Variants in SPEG observed in about 807,000 individuals in gnomAD.
SPEG encodes striated muscle preferentially expressed protein kinase.
Under a neutral mutation model 300.4 loss-of-function variants are expected in SPEG, and 114 were observed. That is an observed-to-expected ratio of 0.38 (90% confidence interval 0.33 to 0.44). The LOEUF (loss-of-function observed/expected upper bound fraction) is 0.44. Among genes scored for constraint, SPEG ranks in the 20% least tolerant of loss-of-function variants. The pLI is 1.00. For synonymous variants in SPEG, 1,964 were observed against 2,018.9 expected (o/e 0.97, Z 0.73); for missense variants, 4,201 against 4,586.2 (o/e 0.92, Z 2.43).
In SPEG at chr2:219,482,839, G is replaced by A. The variant is rs1454303832; in HGVS notation, c.5621G>A (p.Arg1874Gln). 11 of 1,613,824 alleles carry A rather than the reference G, an allele frequency of 6.8e-6. No individual in the cohort carries two copies. The highest frequency in any genetic ancestry group is 9.3e-6 in the Non-Finnish European group (11 of 1,179,922). The change falls in exon 29 of 41, where the codon CGG (arginine) becomes CAG (glutamine). Residue 1874 changes from arginine to glutamine, a missense_variant. By Grantham distance (43) the Arg-to-Gln change is conservative (BLOSUM62 1). This residue lies in a region of SPEG where 1,578 missense variants were observed against 1,506.0 expected (regional missense o/e 1.05). Coordinates refer to ENST00000312358, the MANE Select transcript of SPEG (RefSeq NM_005876.5). ...STDHLKLFLS[R>Q]RRWQRSQISY... ...GATCACCTGAAGCTATTCCTCTCCC[G>A]GCGGAGGTGGCAGGTAAGTGTGGCA...
chr2:219,490,037 TG>T, intron 36 of SPEG, 98 bp downstream of exon 36: 4 of 1,386,876 alleles, frequency 2.9e-6, no homozygotes, highest in Non-Finnish European at 3.9e-6. Flanking sequence ...CTGGCTGGGG[TG>T]GGGGGAGGTG....
At position 219,467,298 on chromosome 2, in the gene SPEG, G is replaced by A; in HGVS notation, c.3006G>A (p.Leu1002=). 1 of 1,610,608 alleles carries A rather than the reference G, an allele frequency of 6.2e-7. No homozygotes were observed. Among genetic ancestry groups the A allele is most frequent in the Non-Finnish European group, 8.5e-7 (1 of 1,179,820 alleles). ...CCACTGACGTGGAGGTGGATTGGCT[G>A]TGCCGTGGCCGCCTGCTGCAGCCTG... ...AGPTDVEVDW[L]CRGRLLQPAL... is the part of the protein sequence containing the mutation. The change falls in exon 10 of 41, where the codon CTG becomes CTA. Residue 1002 remains leucine, a synonymous_variant. Coordinates refer to ENST00000312358, the MANE Select transcript of SPEG (RefSeq NM_005876.5).
chr2:219,475,073 C>T (rs945528618), intron 18 of SPEG, among the ~76,000 whole-genome samples: 5 of 152,276 alleles, frequency 3.3e-5, no homozygotes, highest in Non-Finnish European at 7.3e-5. Flanking sequence ...ATGTGAGCCA[C>T]CGCCTCGGGC....
chr2:219,460,767 A>G, intron 6 of SPEG: 2 of 985,066 alleles, frequency 2.0e-6, no homozygotes, highest in Non-Finnish European at 2.4e-6. Context: ...CCTGCCATCC[A>G]ACCTCCTCCT....
At chr2:219,456,220 GA>G (rs1488386471) in intron 6 of SPEG, among the ~76,000 whole-genome samples, 2 of 152,326 alleles carry the variant, frequency 1.3e-5, no homozygotes, top group South Asian at 4.2e-4. Flanking sequence ...TGGGGGCCAT[GA>G]AAACAAAAAC....
chr2:219,456,260 G>A (rs1338385278), intron 6 of SPEG, among the ~76,000 whole-genome samples: 2 of 152,268 alleles, frequency 1.3e-5, no homozygotes, highest in African/African-American at 4.8e-5. Context: ...ATCCATGTCA[G>A]TCCCTGTCTT....
At position 219,477,427 on chromosome 2, in the gene SPEG, G is replaced by T; in HGVS notation, c.4711G>T (p.Glu1571Ter). 1 of 1,592,728 alleles carries T rather than the reference G, an allele frequency of 6.3e-7. No homozygotes were observed. The highest frequency in any genetic ancestry group is 1.1e-5 in the South Asian group (1 of 88,158). The change falls in exon 20 of 41, where the codon GAG becomes TAG. Residue 1571 changes from glutamate to a stop codon, truncating the protein, a stop_gained. Transcript: ENST00000312358. LOFTEE classifies it high-confidence loss of function. This position sits in a 1 kb window ranked among gnomAD's most constrained non-coding sequence, Gnocchi z 6.4. Reference sequence around the variant, plus strand: ...GGCGGGTGAGGTCTCCTGCAAAGCAGAGTTGGCTGTGCATTCAGGTAGGCA... The same window carrying T: ...GGCGGGTGAGGTCTCCTGCAAAGCATAGTTGGCTGTGCATTCAGGTAGGCA... ...NLAGEVSCKA[E>*]LAVHSAQTAM...
At position 219,443,264 on chromosome 2, in the gene SPEG, C is replaced by T. The variant is rs745492422; in HGVS notation, c.389-1389C>T. Reference sequence around the variant, plus strand: ...ACAGCCCATGAGATGTGGAACCCTCCCACTCACCCCCACACTTATCTACCA... The same window carrying T: ...ACAGCCCATGAGATGTGGAACCCTCTCACTCACCCCCACACTTATCTACCA... On this transcript the variant is annotated intron_variant, in intron 1 of 40. Coordinates refer to ENST00000312358, the MANE Select transcript of SPEG (RefSeq NM_005876.5). The surrounding 1 kb of genome is among the most constrained non-coding windows in gnomAD (Gnocchi z 4.6). 3 of 1,020,798 alleles carry T rather than the reference C, an allele frequency of 2.9e-6. No individual in the cohort carries two copies. Among genetic ancestry groups the T allele is most frequent in the Non-Finnish European group, 4.7e-6 (3 of 640,430 alleles). 63.2% of individuals were successfully genotyped at this position (1,020,798 alleles called of 1,614,324 possible).
At position 219,492,248 on chromosome 2, in the gene SPEG, C is replaced by T; in HGVS notation, c.9599C>T (p.Ser3200Phe). ...ACCCTCTTCTTGCGAAAGGTTCTCT[C>T]TGTACATCCCTGGTGAGTGAGCCCC... ...SATLFLRKVLSVHPWSRPSLQ... is the reference protein window; with the variant it reads ...SATLFLRKVLFVHPWSRPSLQ... Residue 3200 changes from serine (S) to phenylalanine (F), a missense_variant, in exon 40 of 41, where the codon TCT (serine) becomes TTT (phenylalanine). This residue lies in a region of SPEG where 318 missense variants were observed against 429.5 expected (regional missense o/e 0.74). Transcript: ENST00000312358. 1 of 1,613,286 alleles carries T rather than the reference C, an allele frequency of 6.2e-7. No individual in the cohort carries two copies. Among genetic ancestry groups the T allele is most frequent in the Non-Finnish European group, 8.5e-7 (1 of 1,179,714 alleles).
At chr2:219,463,259 G>A (rs551230411) in intron 8 of SPEG, among the ~76,000 whole-genome samples, 2 of 152,098 alleles carry the variant, frequency 1.3e-5, no homozygotes, top group South Asian at 2.1e-4. Flanking sequence ...CAGCAGCCCC[G>A]AGTTAAATGT....
chr2:219,445,205 ACGCTGTCCTG>A lies in SPEG; in HGVS notation c.815+50_815+59del. On this transcript the variant is annotated intron_variant, in intron 3 of 40. Transcript: ENST00000312358. The surrounding 1 kb of genome is among the most constrained non-coding windows in gnomAD (Gnocchi z 6.1). ...TGGGCCTGAACTGCCCCATCTCACC[ACGCTGTCCTG>A]CGCTGCCCTCACTGCTCAGTCAGCC... 6.6e-7 allele frequency: 1 copy of A among 1,516,318 alleles called. No homozygotes were observed. Among genetic ancestry groups the A allele is most frequent in the Non-Finnish European group, 9.0e-7 (1 of 1,116,244 alleles). 93.9% of individuals were successfully genotyped at this position (1,516,318 alleles called of 1,614,324 possible). A position where few individuals can be genotyped will look rare whatever the true frequency, so the allele number is the denominator to read the frequency against.
Position 219,435,072 on chromosome 2 carries a change from G to A in SPEG, c.95G>A (p.Gly32Asp), listed in dbSNP as rs1406990777. ...CCGAAAAGGGCCAAGGTGGGGGCCGGCGGCGGGGCTCCTGTGGCCGTGGCC... is the reference window on the plus strand; with the variant it reads ...CCGAAAAGGGCCAAGGTGGGGGCCGACGGCGGGGCTCCTGTGGCCGTGGCC... ...VPPKRAKVGA[G>D]GGAPVAVAGA... Residue 32 changes from glycine (G) to aspartate (D), a missense_variant, in exon 1 of 41, where the codon GGC becomes GAC. Coordinates refer to ENST00000312358, the MANE Select transcript of SPEG (RefSeq NM_005876.5). 2.0e-6 allele frequency: 3 copies of A among 1,471,124 alleles called. No individual in the cohort carries two copies. Among genetic ancestry groups the A allele is most frequent in the Non-Finnish European group, 8.9e-7 (1 of 1,120,970 alleles). The allele number at this position is 1,471,124 out of a possible 1,614,324, so 91.1% of individuals were successfully genotyped here.
In SPEG at chr2:219,488,262, C is replaced by G; in HGVS notation, c.7810C>G (p.Leu2604Val). The G allele has an allele frequency of 1.9e-6, 3 of 1,613,496 alleles. No homozygotes were observed. Among genetic ancestry groups the G allele is most frequent in the Non-Finnish European group, 2.5e-6 (3 of 1,179,824 alleles). Residue 2604 changes from leucine to valine, a missense_variant, in exon 32 of 41, where the codon CTC becomes GTC. This residue lies in a region of SPEG where 1,578 missense variants were observed against 1,506.0 expected (regional missense o/e 1.05). Coordinates refer to ENST00000312358, the MANE Select transcript of SPEG (RefSeq NM_005876.5). ...GCTGGAGGGGGAGGCAGCCACCCTGCTCTGCCTGCCAGCGGCCTGCCCTGC... is the reference window on the plus strand; with the variant it reads ...GCTGGAGGGGGAGGCAGCCACCCTGGTCTGCCTGCCAGCGGCCTGCCCTGC... ...VLLEGEAATL[L>V]CLPAACPAPH...
At chr2:219,465,817 GTGCGTGCGCA>G (rs1253657032) in intron 9 of SPEG, 6 of 603,512 alleles carry the variant, frequency 9.9e-6, no homozygotes, top group African/African-American at 1.8e-5. Context: ...ATGTGTGCGT[GTGCGTGCGCA>G]TGCGTGCGTG....
rs752907815 is a variant in SPEG, at chr2:219,484,153, A to AC, written c.6697dup (p.Gln2233ProfsTer90). ...CAGTCCGAGCCTCCAAGCCTGCACC[A>AC]CCCCCCCAGGCCCTGCAAACCCTAG... is the stretch of plus-strand genomic sequence containing the variant. On this transcript the variant is annotated frameshift_variant, in exon 30 of 41. Transcript: ENST00000312358. LOFTEE classifies it high-confidence loss of function. 1.3e-5 allele frequency: 21 copies of AC among 1,610,506 alleles called. No individual in the cohort carries two copies. The highest frequency in any genetic ancestry group is 1.4e-5 in the African/African-American group (1 of 73,890).
At chr2:219,435,439 C>T (rs955646928) in intron 1 of SPEG, 74 bp downstream of exon 1, 1 of 1,428,100 alleles carries the variant, frequency 7.0e-7, no homozygotes, top group South Asian at 1.4e-5. Context: ...CCAGGCCACG[C>T]GGGTAAGGTA....
In SPEG at chr2:219,480,790, C is replaced by A; in HGVS notation, c.5369+93C>A. On this transcript the variant is annotated intron_variant, in intron 26 of 40. Transcript: ENST00000312358. This position sits in a 1 kb window ranked among gnomAD's most constrained non-coding sequence, Gnocchi z 5.3. ...AGCCCACCCCCTTCTCTTCCGCACC[C>A]CCCACTCCTTCTTGCACTGCAAGGA... 2 of 1,197,434 alleles carry A rather than the reference C, an allele frequency of 1.7e-6. No homozygotes were observed. The highest frequency in any genetic ancestry group is 1.9e-4 in the Middle Eastern group (1 of 5,304). 74.2% of individuals were successfully genotyped at this position (1,197,434 alleles called of 1,614,324 possible).
At chr2:219,486,038 A>T (rs907178461) in intron 31 of SPEG, among the ~76,000 whole-genome samples, 10 of 152,220 alleles carry the variant, frequency 6.6e-5, no homozygotes, top group African/African-American at 2.4e-4. Context: ...AGCCTAGAGG[A>T]CCACGACCTG....
rs766374977 is a variant in SPEG at position 219,479,147 on chromosome 2, C to T, written c.5031C>T (p.Cys1677=). 4.3e-6 allele frequency: 7 copies of T among 1,613,564 alleles called. No individual in the cohort carries two copies. The highest frequency in any genetic ancestry group is 1.1e-5 in the South Asian group (1 of 91,084). Reference sequence around the variant, plus strand: ...TTCTCCTTGATCTGGGATGTAGCTGCACAGAGGAGCTGCTGGAGCGAATCG... The same window carrying T: ...TTCTCCTTGATCTGGGATGTAGCTGTACAGAGGAGCTGCTGGAGCGAATCG... ...RRGLVIVTEL[C]TEELLERIAR... The change falls in exon 23 of 41, where the codon TGC becomes TGT. Residue 1677 remains cysteine (C), a synonymous_variant. Coordinates refer to ENST00000312358, the MANE Select transcript of SPEG (RefSeq NM_005876.5). The surrounding 1 kb of genome is among the most constrained non-coding windows in gnomAD (Gnocchi z 5.5).
Sources: gnomAD v4.1 joint callset for allele counts (sites outside exome capture counted in the v4.1 genomes callset) on GRCh38, gnomAD v4.1.1 for gene constraint, gnomAD v4.1.1 regional missense constraint, Gnocchi (gnomAD v3.1) non-coding constraint, MANE v1.5 for transcripts, NCBI Gene and HGNC (gene_info 2026-07-23, HGNC 2026-07-21) for gene names.